Variants in UBQLN4 observed in about 807,000 individuals in gnomAD.
The protein encoded by UBQLN4 is ubiquilin 4.
UBQLN4 carries 11 observed loss-of-function variants against 60.4 expected under a neutral mutation model. The observed-to-expected ratio is 0.18, with a 90% confidence interval of 0.11 to 0.30. The LOEUF is 0.30. UBQLN4 is among the 10% of genes least tolerant of loss of function. UBQLN4 has a pLI of 1.00. For missense variants in UBQLN4, 417 were observed against 795.5 expected (o/e 0.52, Z 5.72); for synonymous variants, 258 against 313.1 (o/e 0.82, Z 1.86).
chr1:156,039,653 A>G (rs1683495666), intron 10 of UBQLN4, among the ~76,000 whole-genome samples: 1 of 151,962 alleles, frequency 6.6e-6, no homozygotes, highest in Non-Finnish European at 1.5e-5. Context: ...AGACTCTTAT[A>G]GTGGCCGGGT....
chr1:156,051,470 C>T (rs905938899), intron 2 of UBQLN4, 143 bp from the exon 3 acceptor site: 2 of 1,185,784 alleles, frequency 1.7e-6, no homozygotes, highest in Non-Finnish European at 1.2e-6. Flanking sequence ...GGGGTGATGG[C>T]GGGAGGGCAG....
intron 2 of UBQLN4, 47 bp from the exon 3 acceptor site, chr1:156,051,374 G>C: frequency 6.5e-7 from 1 of 1,540,594 alleles, no homozygotes; most frequent in Non-Finnish European, 8.8e-7. Flanking sequence ...CACTAGAAGA[G>C]GGAAGGTACC....
chr1:156,043,603 A>G (rs1683623896), intron 6 of UBQLN4, among the ~76,000 whole-genome samples: 1 of 152,138 alleles, frequency 6.6e-6, no homozygotes, highest in Non-Finnish European at 1.5e-5. Context: ...TGTGCAGTGC[A>G]TAACCTGTTC....
chr1:156,040,281 A>T (rs567998865), intron 10 of UBQLN4, among the ~76,000 whole-genome samples: 30 of 151,758 alleles, frequency 2.0e-4, no homozygotes, highest in African/African-American at 7.0e-4. Flanking sequence ...CTGTAATCCC[A>T]GCTACTCGGG....
At chr1:156,041,803 T>A in intron 9 of UBQLN4, 69 bp downstream of exon 9, 1 of 1,494,086 alleles carries the variant, frequency 6.7e-7, no homozygotes, top group Non-Finnish European at 9.0e-7. Flanking sequence ...GCTGAGAGAG[T>A]GGCAGAGAGA....
intron 10 of UBQLN4, among the ~76,000 whole-genome samples, chr1:156,041,147 G>A (rs1209598389): frequency 6.6e-6 from 1 of 152,142 alleles, no homozygotes; most frequent in Admixed American, 6.5e-5. Context: ...ACCTTTCCGG[G>A]CCTCAGTTTT....
In UBQLN4 at chr1:156,041,874, G is replaced by A. The variant is rs766094535; in HGVS notation, c.1464C>T (p.Pro488=). 1 of 1,609,894 alleles carries A rather than the reference G, an allele frequency of 6.2e-7. No individual in the cohort carries two copies. The highest frequency in any genetic ancestry group is 1.3e-5 in the African/African-American group (1 of 74,688). The change falls in exon 9 of 11, where the codon CCC becomes CCT. Residue 488 remains proline (P), a splice_region_variant and synonymous_variant. Coordinates refer to ENST00000368309, the MANE Select transcript of UBQLN4 (RefSeq NM_020131.5). ...TLQTEAPGLV[P]SLGSFGISRT... The stretch of plus-strand genomic sequence containing the variant: ...CCCTCCTGCCCCCCTACCCTCACCT[G>A]GGTACCAGCCCAGGGGCCTCGGTCT...
Position 156,042,177 on chromosome 1 carries a change from C to G in UBQLN4, c.1326G>C (p.Leu442=). The part of the protein sequence containing the change: ...GNPQLQEQLR[L]QLPVFLQQMQ... ...CCTGCTGCAGGAAGACTGGGAGCTG[C>G]AGGCGGAGCTGCTCCTGCAGTTGGG... The change falls in exon 8 of 11, where the codon CTG becomes CTC. Residue 442 remains leucine (L), a synonymous_variant. Coordinates refer to ENST00000368309, the MANE Select transcript of UBQLN4 (RefSeq NM_020131.5). 1 of 1,607,616 alleles carries G rather than the reference C, an allele frequency of 6.2e-7. No individual in the cohort carries two copies. Among genetic ancestry groups the G allele is most frequent in the Non-Finnish European group, 8.5e-7 (1 of 1,177,470 alleles).
chr1:156,033,716 C>T (rs1037115071), downstream of UBQLN4, among the ~76,000 whole-genome samples: 1 of 151,984 alleles, frequency 6.6e-6, no homozygotes, highest in South Asian at 2.1e-4. Flanking sequence ...TCATGGCGGG[C>T]ACCTGCAATC....
intron 4 of UBQLN4, among the ~76,000 whole-genome samples, chr1:156,049,147 T>G (rs892792010): frequency 1.3e-5 from 2 of 152,182 alleles, no homozygotes. Flanking sequence ...GATGAGCAAA[T>G]AGGCTCAGAG....
chr1:156,031,907 G>C (rs1377338083), downstream of UBQLN4, among the ~76,000 whole-genome samples: 1 of 151,520 alleles, frequency 6.6e-6, no homozygotes, highest in East Asian at 1.9e-4. Context: ...TGTACAATTT[G>C]ATAAGTTTTG....
intron 10 of UBQLN4, among the ~76,000 whole-genome samples, chr1:156,040,441 AT>A (rs112995184): frequency 5.3e-4 from 58 of 109,012 alleles, no homozygotes; most frequent in African/African-American, 1.7e-3. Context: ...CAGTCCACAC[AT>A]TTTTTTTTTT....
Position 156,041,942 on chromosome 1 carries a change from T to C in UBQLN4, c.1396A>G (p.Met466Val). 2 of 1,614,110 alleles carry C rather than the reference T, an allele frequency of 1.2e-6. No homozygotes were observed. Among genetic ancestry groups the C allele is most frequent in the South Asian group, 1.1e-5 (1 of 91,086 alleles). Residue 466 changes from methionine (M) to valine (V), a missense_variant, in exon 9 of 11, where the codon ATG becomes GTG. By Grantham distance (21) the Met-to-Val change is conservative. Coordinates refer to ENST00000368309, the MANE Select transcript of UBQLN4 (RefSeq NM_020131.5). Reference sequence around the variant, plus strand: ...TGCTGGATCTGCAGCAATGCCTGCATGGCTCGGGGATTGGTAAGGATGGAG... The same window carrying C: ...TGCTGGATCTGCAGCAATGCCTGCACGGCTCGGGGATTGGTAAGGATGGAG... ...SLSILTNPRA[M>V]QALLQIQQGL... is the part of the protein sequence containing the mutation.
chr1:156,038,105 G>A (rs1188352232), intron 10 of UBQLN4, among the ~76,000 whole-genome samples: 3 of 152,308 alleles, frequency 2.0e-5, no homozygotes, highest in African/African-American at 7.2e-5. Flanking sequence ...GCTGGGCATA[G>A]TGGCTCATGC....
chr1:156,053,746 C>T lies in UBQLN4; in HGVS notation c.-45G>A. 1 of 1,190,086 alleles carries T rather than the reference C, an allele frequency of 8.4e-7. No homozygotes were observed. Among genetic ancestry groups the T allele is most frequent in the Non-Finnish European group, 1.1e-6 (1 of 940,726 alleles). 73.7% of individuals were successfully genotyped at this position (1,190,086 alleles called of 1,614,324 possible). The stretch of plus-strand genomic sequence containing the variant: ...CGCCCGCCAGCCCGCCCGGCTCCTC[C>T]TCCTCCCCGCCCGCCCGGCCGGCCC... On this transcript the variant is annotated 5_prime_UTR_variant, in exon 1 of 11. Transcript: ENST00000368309.
downstream of UBQLN4, among the ~76,000 whole-genome samples, chr1:156,034,744 T>A (rs919554145): frequency 4.1e-5 from 6 of 146,030 alleles, no homozygotes; most frequent in African/African-American, 1.5e-4. Flanking sequence ...AATGGTCTGA[T>A]GGGGAATGGA....
At chr1:156,042,384 G>A (rs1192022526) in intron 7 of UBQLN4, 148 bp from the exon 8 acceptor site, 1 of 1,429,984 alleles carries the variant, frequency 7.0e-7, no homozygotes, top group Non-Finnish European at 9.1e-7. Context: ...AGGCCTAAGT[G>A]GGACAGTGAG....
intron 5 of UBQLN4, 84 bp from the exon 6 acceptor site, chr1:156,044,307 G>C: frequency 1.6e-6 from 2 of 1,233,972 alleles, no homozygotes; most frequent in Middle Eastern, 1.9e-4. Flanking sequence ...TCACTTAATA[G>C]CCTCCCCTTC....
chr1:156,048,647 C>T lies in UBQLN4; in HGVS notation c.754G>A (p.Ala252Thr). 6.2e-7 allele frequency: 1 copy of T among 1,613,952 alleles called. No homozygotes were observed. Among genetic ancestry groups the T allele is most frequent in the Non-Finnish European group, 8.5e-7 (1 of 1,179,822 alleles). ...PELMRQTMEL[A>T]RNPAMMQEMM... is the part of the protein sequence containing the mutation. ...TCTTGCATCATGGCTGGATTCCGAG[C>T]AAGCTCCATTGTCTGATCAAGGGAG... The change falls in exon 5 of 11, where the codon GCT (alanine) becomes ACT (threonine). Residue 252 changes from alanine (A) to threonine (T), a missense_variant. Ala to Thr is a moderately conservative substitution (Grantham distance 58). Transcript: ENST00000368309. The surrounding 1 kb of genome is among the most constrained non-coding windows in gnomAD (Gnocchi z 4.9).
Sources: allele counts gnomAD v4.1 joint callset (sites outside exome capture counted in the v4.1 genomes callset), GRCh38; gene constraint gnomAD v4.1.1; non-coding constraint Gnocchi (gnomAD v3.1); transcripts MANE v1.5; gene names NCBI Gene and HGNC (gene_info 2026-07-23, HGNC 2026-07-21).